SLC39A11: variants seen among roughly 807,000 people sequenced by gnomAD.
The protein encoded by SLC39A11 is zinc transporter ZIP11.
A neutral mutation model predicts 36.1 loss-of-function variants in SLC39A11; 33 were observed. That is an observed-to-expected ratio of 0.91 (90% CI 0.69 to 1.22). The LOEUF is 1.22. Ranked by LOEUF, SLC39A11 falls within the 50% of genes most tolerant of loss-of-function variation. The probability of loss-of-function intolerance (pLI) is 0.00; values close to 1 mark genes in which losing one functional copy is unlikely to be tolerated. For missense variants in SLC39A11, 432 were observed against 430.3 expected, an observed-to-expected ratio of 1.00 and a Z score of -0.03; for synonymous variants, 166 against 170.3, an observed-to-expected ratio of 0.97 and a Z score of 0.20.
At chr17:72,750,614 C>T (rs1211523531) in intron 6 of SLC39A11, among the ~76,000 whole-genome samples, 2 of 151,976 alleles carry the variant, frequency 1.3e-5, no homozygotes, top group Non-Finnish European at 1.5e-5. Context: ...TCACTCCCCA[C>T]ATGTGATTCC....
At chr17:72,824,133 T>G (rs1392524457) in intron 6 of SLC39A11, among the ~76,000 whole-genome samples, 1 of 151,276 alleles carries the variant, frequency 6.6e-6, no homozygotes, top group African/African-American at 2.4e-5. Flanking sequence ...TACCCAATGT[T>G]GGAGGAGGGG....
At chr17:72,798,913 G>A (rs2076989611) in intron 6 of SLC39A11, among the ~76,000 whole-genome samples, 2 of 152,142 alleles carry the variant, frequency 1.3e-5, no homozygotes, top group Admixed American at 6.5e-5. Context: ...AGGAAGGCAG[G>A]CCCAGATGTA....
chr17:72,902,592 C>G (rs1006398628), intron 5 of SLC39A11, among the ~76,000 whole-genome samples: 1 of 152,122 alleles, frequency 6.6e-6, no homozygotes, highest in Non-Finnish European at 1.5e-5. Context: ...AGTTGCTAAG[C>G]GAAGAATAAA....
At chr17:72,893,116 A>AAAAAG (rs1439936823) in intron 5 of SLC39A11, among the ~76,000 whole-genome samples, 4 of 152,160 alleles carry the variant, frequency 2.6e-5, no homozygotes, top group South Asian at 2.1e-4. Flanking sequence ...ACTTCCCTCC[A>AAAAAG]AAAAGAAAAG....
intron 5 of SLC39A11, among the ~76,000 whole-genome samples, chr17:72,939,791 C>T (rs753506473): frequency 1.3e-4 from 20 of 152,290 alleles, no homozygotes; most frequent in African/African-American, 3.8e-4. Flanking sequence ...TAAGGGAATA[C>T]GTTTCTGCTG....
intron 5 of SLC39A11, among the ~76,000 whole-genome samples, chr17:72,934,746 G>A (rs748813053): frequency 1.3e-5 from 2 of 152,148 alleles, no homozygotes; most frequent in African/African-American, 4.8e-5. Flanking sequence ...CACCAAAGAA[G>A]ATGTACAGAT....
At chr17:72,700,933 G>A (rs2072581834) in intron 7 of SLC39A11, among the ~76,000 whole-genome samples, 1 of 152,200 alleles carries the variant, frequency 6.6e-6, no homozygotes, top group Non-Finnish European at 1.5e-5. Context: ...ACAACATAAG[G>A]GAATTAGGGG....
intron 4 of SLC39A11, among the ~76,000 whole-genome samples, chr17:73,004,175 G>GA (rs1366192869): frequency 1.5e-5 from 1 of 66,724 alleles, no homozygotes; most frequent in African/African-American, 6.9e-5. Flanking sequence ...AAGAAAGAAA[G>GA]AAAGAAAGAA....
intron 6 of SLC39A11, among the ~76,000 whole-genome samples, chr17:72,796,559 G>A (rs2076901925): frequency 6.6e-6 from 1 of 152,090 alleles, no homozygotes; most frequent in South Asian, 2.1e-4. Context: ...AAGGGCGAGT[G>A]GCAAAGGAGA....
At chr17:72,680,831 G>C (rs2071480288) in intron 7 of SLC39A11, among the ~76,000 whole-genome samples, 1 of 152,168 alleles carries the variant, frequency 6.6e-6, no homozygotes, top group South Asian at 2.1e-4. Context: ...CATTGTATGG[G>C]TATGTCTCAT....
intron 7 of SLC39A11, among the ~76,000 whole-genome samples, chr17:72,711,402 G>C (rs1445386251): frequency 6.6e-6 from 1 of 152,160 alleles, no homozygotes; most frequent in African/African-American, 2.4e-5. Context: ...CCACTATTTG[G>C]GATGTGGAAA....
At chr17:72,780,523 G>GGGT (rs1348431159) in intron 6 of SLC39A11, among the ~76,000 whole-genome samples, 2 of 133,464 alleles carry the variant, frequency 1.5e-5, no homozygotes, top group Admixed American at 7.3e-5. Context: ...CTGAAGATGG[G>GGGT]GGGCGGGTGG....
chr17:72,665,398 T>TTTGTTG (rs1555631663), intron 7 of SLC39A11, among the ~76,000 whole-genome samples: 51 of 130,264 alleles, frequency 3.9e-4, no homozygotes, highest in Admixed American at 7.4e-4. Flanking sequence ...TGTTTTTTTT[T>TTTGTTG]TTTTTTTTTT....
intron 5 of SLC39A11, among the ~76,000 whole-genome samples, chr17:72,898,500 G>A (rs2082144793): frequency 6.6e-6 from 1 of 152,148 alleles, no homozygotes; most frequent in African/African-American, 2.4e-5. Flanking sequence ...AAGAATCTTA[G>A]TGAAACAAAT....
chr17:72,973,524 G>C (rs181474493), intron 4 of SLC39A11, among the ~76,000 whole-genome samples: 1 of 152,192 alleles, frequency 6.6e-6, no homozygotes, highest in African/African-American at 2.4e-5. Context: ...AGATCAAACA[G>C]AATTGGAGTT....
chr17:72,715,064 G>A (rs747596757), intron 7 of SLC39A11, among the ~76,000 whole-genome samples: 27 of 152,092 alleles, frequency 1.8e-4, no homozygotes, highest in African/African-American at 5.3e-4. Flanking sequence ...ACGGGTGTGC[G>A]ACCAGTGCAG....
intron 6 of SLC39A11, among the ~76,000 whole-genome samples, chr17:72,746,337 G>T (rs1653073742): frequency 6.6e-6 from 1 of 152,110 alleles, no homozygotes; most frequent in Admixed American, 6.5e-5. Context: ...CACGTTGAGG[G>T]GTCAGGTGTG....
At chr17:72,923,775 C>A (rs541916356) in intron 5 of SLC39A11, among the ~76,000 whole-genome samples, 59 of 151,506 alleles carry the variant, frequency 3.9e-4, no homozygotes, top group Non-Finnish European at 5.0e-4. Flanking sequence ...AGGATTGAGG[C>A]GGGAAAAAAA....
chr17:72,721,208 C>T (rs1312557996), intron 7 of SLC39A11, among the ~76,000 whole-genome samples: 2 of 151,878 alleles, frequency 1.3e-5, no homozygotes, highest in Non-Finnish European at 2.9e-5. Context: ...GCGATTCTCC[C>T]GCCTCAGCCT....
Sources: allele counts gnomAD v4.1 joint callset (sites outside exome capture counted in the v4.1 genomes callset), GRCh38; gene constraint gnomAD v4.1.1; transcripts MANE v1.5; gene names NCBI Gene and HGNC (gene_info 2026-07-23, HGNC 2026-07-21).